USP15: variants seen among roughly 807,000 people sequenced by gnomAD.
USP15 encodes ubiquitin specific peptidase 15.
A neutral mutation model predicts 127.1 loss-of-function variants in USP15; 18 were observed. The observed-to-expected ratio is 0.14, with a 90% confidence interval of 0.10 to 0.21. USP15 has a LOEUF of 0.21. Among genes scored for constraint, USP15 ranks in the 10% least tolerant of loss-of-function variants. The probability of loss-of-function intolerance (pLI) is 1.00; values close to 1 mark genes in which losing one functional copy is unlikely to be tolerated. For synonymous variants in USP15, 364 were observed against 393.7 expected (o/e 0.92, Z 0.89); for missense variants, 805 against 1,159.9 (o/e 0.69, Z 4.44).
At chr12:62,309,707 AC>A (rs1325082106) in intron 3 of USP15, among the ~76,000 whole-genome samples, 1 of 152,000 alleles carries the variant, frequency 6.6e-6, no homozygotes, top group Non-Finnish European at 1.5e-5. Context: ...GACAAAAATG[AC>A]CAAGGTGGAT....
intron 8 of USP15, 21 bp downstream of exon 8, chr12:62,355,496 T>C: frequency 6.4e-7 from 1 of 1,570,816 alleles, no homozygotes; most frequent in Non-Finnish European, 8.6e-7. Flanking sequence ...GTAAACAAAA[T>C]GAAACTCATG....
intron 14 of USP15, among the ~76,000 whole-genome samples, chr12:62,390,317 G>A (rs117609626): frequency 0.021 from 3,160 of 152,214 alleles, 80 homozygotes; most frequent in Non-Finnish European, 0.026. Context: ...AATGCCATAT[G>A]TTTGCACTGT....
intron 4 of USP15, among the ~76,000 whole-genome samples, chr12:62,319,387 C>T: frequency 6.6e-6 from 1 of 151,940 alleles, no homozygotes; most frequent in East Asian, 1.9e-4. Flanking sequence ...AGACCTTCTG[C>T]AGTGTTCTTC....
chr12:62,289,640 A>T (rs1486023584), intron 1 of USP15, among the ~76,000 whole-genome samples: 2 of 145,446 alleles, frequency 1.4e-5, no homozygotes, highest in Non-Finnish European at 3.0e-5. Flanking sequence ...TCTTCTGTCA[A>T]ATTTGGATTT....
At position 62,381,514 on chromosome 12, in the gene USP15, A is replaced by T; in HGVS notation, c.940A>T (p.Thr314Ser). ...IQCLSNTPPLTEYFLNDKYQE... is the reference protein window; with the variant it reads ...IQCLSNTPPLSEYFLNDKYQE... ...GTGTTTGAGCAACACACCTCCACTT[A>T]CTGAGTATTTCCTCAATGATAAGTA... Residue 314 changes from threonine (T) to serine (S), a missense_variant, in exon 9 of 22, where the codon ACT becomes TCT. Thr to Ser is a moderately conservative substitution (Grantham distance 58). Around this residue, in one of 11 missense-constraint regions of USP15, gnomAD observed 84 missense variants for 210.3 expected, o/e 0.40. Transcript: ENST00000280377. 6.2e-7 allele frequency: 1 copy of T among 1,611,278 alleles called. No homozygotes were observed. Among genetic ancestry groups the T allele is most frequent in the Non-Finnish European group, 8.5e-7 (1 of 1,178,376 alleles).
At chr12:62,277,605 A>G (rs1416398612) in intron 1 of USP15, 1 of 152,142 alleles carries the variant, frequency 6.6e-6, no homozygotes, top group East Asian at 1.9e-4. Flanking sequence ...GGCCTAGGGC[A>G]GGGTTGTCCC....
At chr12:62,298,620 A>C (rs138113812) in intron 2 of USP15, among the ~76,000 whole-genome samples, 93 of 152,018 alleles carry the variant, frequency 6.1e-4, no homozygotes, top group African/African-American at 2.2e-3. Flanking sequence ...AGCTGAGATC[A>C]TGCTACTGCA....
intron 8 of USP15, among the ~76,000 whole-genome samples, chr12:62,370,049 A>G (rs927409181): frequency 6.6e-6 from 1 of 152,128 alleles, no homozygotes; most frequent in Non-Finnish European, 1.5e-5. Flanking sequence ...ATCTCAGCTT[A>G]CTGCAACCTC....
chr12:62,277,834 A>G (rs2063537104), intron 1 of USP15, among the ~76,000 whole-genome samples: 2 of 152,194 alleles, frequency 1.3e-5, no homozygotes, highest in South Asian at 4.1e-4. Context: ...TAGTGCATTA[A>G]TGTACACTGC....
At chr12:62,276,091 T>C (rs1451084602) in intron 1 of USP15, among the ~76,000 whole-genome samples, 4 of 152,104 alleles carry the variant, frequency 2.6e-5, no homozygotes, top group East Asian at 3.9e-4. Context: ...TATGTAAGAA[T>C]CGTGTGTAAT....
intron 1 of USP15, among the ~76,000 whole-genome samples, chr12:62,290,520 T>C (rs1385397493): frequency 1.3e-5 from 2 of 152,202 alleles, no homozygotes; most frequent in Non-Finnish European, 2.9e-5. Flanking sequence ...GGTGAGTTTA[T>C]TGTAAGCAGC....
At chr12:62,286,388 T>G (rs1592499485) in intron 1 of USP15, among the ~76,000 whole-genome samples, 1 of 152,280 alleles carries the variant, frequency 6.6e-6, no homozygotes, top group South Asian at 2.1e-4. Flanking sequence ...TTTAGCAAGA[T>G]TGCAGAGAAA....
chr12:62,322,969 CAA>C (rs1565853645), intron 5 of USP15, among the ~76,000 whole-genome samples: 3 of 152,120 alleles, frequency 2.0e-5, no homozygotes, highest in African/African-American at 7.2e-5. Flanking sequence ...ATTCATCCAG[CAA>C]AAAGTCCTTT....
intron 6 of USP15, among the ~76,000 whole-genome samples, chr12:62,332,516 CATT>C (rs965107076): frequency 5.9e-5 from 9 of 151,738 alleles, no homozygotes; most frequent in African/African-American, 1.7e-4. Flanking sequence ...ACAGTGGAGT[CATT>C]ATAGAAACCT....
intron 1 of USP15, among the ~76,000 whole-genome samples, chr12:62,279,706 A>G (rs756861845): frequency 2.2e-4 from 34 of 152,156 alleles, no homozygotes; most frequent in Non-Finnish European, 3.5e-4. Flanking sequence ...TTGCCTAATT[A>G]AGTGTTGTAA....
chr12:62,390,719 A>T (rs1336595153), intron 14 of USP15, 145 bp from the exon 15 acceptor site: 2 of 532,448 alleles, frequency 3.8e-6, no homozygotes, highest in Non-Finnish European at 6.6e-6. Context: ...TACTTATGGT[A>T]CTAAAAGTTT....
intron 6 of USP15, among the ~76,000 whole-genome samples, chr12:62,326,141 T>C (rs2065114838): frequency 6.6e-6 from 1 of 152,172 alleles, no homozygotes; most frequent in African/African-American, 2.4e-5. Context: ...AATTCAAATA[T>C]CTTAAGGCAT....
At chr12:62,345,491 A>C (rs899370856) in intron 6 of USP15, among the ~76,000 whole-genome samples, 1 of 152,168 alleles carries the variant, frequency 6.6e-6, no homozygotes, top group Non-Finnish European at 1.5e-5. Flanking sequence ...TGAGTCCTCC[A>C]AGTCTCCAGG....
chr12:62,292,140 G>C (rs899034268), intron 1 of USP15, among the ~76,000 whole-genome samples: 1 of 151,074 alleles, frequency 6.6e-6, no homozygotes, highest in African/African-American at 2.4e-5. Flanking sequence ...GTGGAGAGGG[G>C]TGGGATGGGG....
Sources: allele counts gnomAD v4.1 joint callset (sites outside exome capture counted in the v4.1 genomes callset), GRCh38; gene constraint gnomAD v4.1.1; regional missense constraint gnomAD v4.1.1; transcripts MANE v1.5; gene names NCBI Gene and HGNC (gene_info 2026-07-23, HGNC 2026-07-21).